Variants in ROR1 observed in about 807,000 individuals in gnomAD.
The protein encoded by ROR1 is inactive tyrosine-protein kinase transmembrane receptor ROR1.
A neutral mutation model predicts 78.8 loss-of-function variants in ROR1; 19 were observed. The ratio of observed to expected loss-of-function variants is 0.24; its 90% CI spans 0.17 to 0.35. ROR1 has a LOEUF of 0.35. Among genes scored for constraint, ROR1 ranks in the 10% least tolerant of loss-of-function variants. The probability of loss-of-function intolerance (pLI) is 1.00; values close to 1 mark genes in which losing one functional copy is unlikely to be tolerated. For missense variants in ROR1, 917 were observed against 1,177.8 expected, an observed-to-expected ratio of 0.78 and a Z score of 3.24; for synonymous variants, 386 against 433.6, an observed-to-expected ratio of 0.89 and a Z score of 1.36.
intron 1 of ROR1, among the ~76,000 whole-genome samples, chr1:63,947,202 C>A (rs1036523061): frequency 6.6e-6 from 1 of 152,148 alleles, no homozygotes; most frequent in Non-Finnish European, 1.5e-5. Context: ...TCCGGGAGCG[C>A]GCCCAGTACA....
chr1:64,004,723 G>A (rs759657625), intron 1 of ROR1, among the ~76,000 whole-genome samples: 5 of 152,084 alleles, frequency 3.3e-5, no homozygotes, highest in African/African-American at 7.2e-5. Context: ...TAATCCTTTC[G>A]GAGAGCACAG....
In ROR1 at chr1:63,893,758, T is replaced by C. The variant is rs556434803; in HGVS notation, c.92-115547T>C. Among the ~76,000 whole-genome samples, 7 of 152,280 alleles carry C rather than the reference T, an allele frequency of 4.6e-5. No homozygotes were observed. In the South Asian group the frequency reaches 1.5e-3, roughly 32 times the overall value. ...GCTATACAAAGTGGGTCAAGAGATA[T>C]ACAGTGGTCCCCCCTTATCTGTGTC... On this transcript the variant is annotated intron_variant, in intron 1 of 8. Transcript: ENST00000371079.
intron 4 of ROR1, among the ~76,000 whole-genome samples, chr1:64,065,306 A>G (rs957514526): frequency 1.1e-4 from 16 of 152,230 alleles, no homozygotes; most frequent in Non-Finnish European, 1.9e-4. Flanking sequence ...GACTTTGGCC[A>G]GTCTGCTATA....
At chr1:63,897,680 G>C (rs980949956) in intron 1 of ROR1, among the ~76,000 whole-genome samples, 5 of 152,110 alleles carry the variant, frequency 3.3e-5, no homozygotes, top group Admixed American at 2.0e-4. Context: ...TGTCTCTTTT[G>C]TTCACTGATA....
intron 4 of ROR1, among the ~76,000 whole-genome samples, chr1:64,072,194 A>G (rs146283964): frequency 3.9e-4 from 59 of 152,342 alleles, no homozygotes; most frequent in African/African-American, 1.3e-3. Flanking sequence ...AAAGAATTGC[A>G]AGGATCATGA....
At chr1:64,033,641 C>T (rs1646678131) in intron 2 of ROR1, among the ~76,000 whole-genome samples, 1 of 152,160 alleles carries the variant, frequency 6.6e-6, no homozygotes, top group South Asian at 2.1e-4. Context: ...GGAGGTTTTA[C>T]TATATAGTAA....
At chr1:64,169,765 C>T (rs939921508) in intron 8 of ROR1, among the ~76,000 whole-genome samples, 8 of 152,164 alleles carry the variant, frequency 5.3e-5, no homozygotes, top group African/African-American at 1.4e-4. Context: ...TAGTTACTTC[C>T]CAGATACAGT....
rs76606580 is a variant in ROR1, at chr1:63,995,621, T to C, written c.92-13684T>C. Reference sequence around the variant, plus strand: ...ATCAGAAAGACTGGATTTCAAATCTTGGCTTTGTCAATCTATGGCTTTAGA... The same window carrying C: ...ATCAGAAAGACTGGATTTCAAATCTCGGCTTTGTCAATCTATGGCTTTAGA... On this transcript the variant is annotated intron_variant, in intron 1 of 8. Coordinates refer to ENST00000371079, the MANE Select transcript of ROR1 (RefSeq NM_005012.4). 6.1e-3 allele frequency among the ~76,000 whole-genome samples: 928 copies of C among 152,340 alleles called. 10 individuals are homozygous for C. Among genetic ancestry groups the C allele is most frequent in the African/African-American group, 0.021 (887 of 41,582 alleles).
chr1:64,156,252 A>G (rs1332167079), intron 7 of ROR1, among the ~76,000 whole-genome samples: 2 of 152,224 alleles, frequency 1.3e-5, no homozygotes, highest in Non-Finnish European at 2.9e-5. Context: ...GGTCACGTAG[A>G]TAATGAAAAG....
chr1:63,834,421 A>G (rs1645007860), intron 1 of ROR1, among the ~76,000 whole-genome samples: 1 of 152,162 alleles, frequency 6.6e-6, no homozygotes, highest in South Asian at 2.1e-4. Context: ...AAGATGTTCA[A>G]ACATATTTGA....
intron 4 of ROR1, among the ~76,000 whole-genome samples, chr1:64,122,902 G>A (rs928494907): frequency 2.0e-5 from 3 of 152,086 alleles, no homozygotes; most frequent in African/African-American, 4.8e-5. Context: ...CTGATGCTCC[G>A]GGTGAAGTTG....
chr1:63,927,775 A>G (rs1051123847), intron 1 of ROR1, among the ~76,000 whole-genome samples: 1 of 152,128 alleles, frequency 6.6e-6, no homozygotes, highest in East Asian at 1.9e-4. Flanking sequence ...CATTGCAATC[A>G]TGAGGAATTT....
At chr1:63,893,053 C>T (rs777177724) in intron 1 of ROR1, among the ~76,000 whole-genome samples, 14 of 152,274 alleles carry the variant, frequency 9.2e-5, no homozygotes, top group Non-Finnish European at 1.8e-4. Context: ...TGGTGTCAGC[C>T]GCAGAGGGTG....
intron 8 of ROR1, among the ~76,000 whole-genome samples, chr1:64,164,208 C>G (rs1315615371): frequency 1.3e-5 from 2 of 152,162 alleles, no homozygotes; most frequent in African/African-American, 4.8e-5. Flanking sequence ...TAATGATTTC[C>G]CAACCTGGAA....
intron 7 of ROR1, chr1:64,143,462 G>GATATCATAA: frequency 1.0e-6 from 1 of 958,334 alleles, no homozygotes; most frequent in Non-Finnish European, 1.2e-6. Context: ...AGATATCATA[G>GATATCATAA]ATAATGCCAA....
intron 1 of ROR1, among the ~76,000 whole-genome samples, chr1:63,978,951 A>T (rs187858614): frequency 3.3e-5 from 5 of 152,338 alleles, no homozygotes; most frequent in Admixed American, 3.3e-4. Context: ...AAGACCTGGG[A>T]AAGAGTGAAT....
At chr1:64,077,997 C>T (rs568701342) in intron 4 of ROR1, among the ~76,000 whole-genome samples, 1 of 152,080 alleles carries the variant, frequency 6.6e-6, no homozygotes, top group Admixed American at 6.6e-5. Flanking sequence ...GGTGTACTGG[C>T]AAATAAACTG....
intron 1 of ROR1, among the ~76,000 whole-genome samples, chr1:63,832,396 C>T (rs941777026): frequency 4.6e-5 from 7 of 152,168 alleles, no homozygotes; most frequent in Admixed American, 1.3e-4. Context: ...TTAATTGACT[C>T]ACAGTTCTGC....
At chr1:63,893,062 T>G (rs1263654802) in intron 1 of ROR1, among the ~76,000 whole-genome samples, 1 of 152,022 alleles carries the variant, frequency 6.6e-6, no homozygotes, top group Non-Finnish European at 1.5e-5. Flanking sequence ...CCGCAGAGGG[T>G]GCGGTTTCCC....
Sources: allele counts gnomAD v4.1 joint callset (sites outside exome capture counted in the v4.1 genomes callset), GRCh38; gene constraint gnomAD v4.1.1; transcripts MANE v1.5; gene names NCBI Gene and HGNC (gene_info 2026-07-23, HGNC 2026-07-21).